The following TMEM51 variants were observed in gnomAD, a reference collection of about 807,000 sequenced individuals.
The protein encoded by TMEM51 is transmembrane protein 51, also known as chromosome 1 open reading frame 72.
In TMEM51, 8 loss-of-function variants were observed where a neutral mutation model predicts 13.6. The observed-to-expected ratio is 0.59, with a 90% confidence interval of 0.35 to 1.07. The LOEUF is 1.07. TMEM51 is among the 50% of genes least tolerant of loss of function. The probability of loss-of-function intolerance (pLI) is 0.02; values close to 1 mark genes in which losing one functional copy is unlikely to be tolerated. For synonymous variants in TMEM51, 147 were observed against 144.4 expected (o/e 1.02, Z -0.13); for missense variants, 279 against 330.7 (o/e 0.84, Z 1.21).
At chr1:15,193,236 G>T (rs1643970682) in intron 1 of TMEM51, among the ~76,000 whole-genome samples, 1 of 152,248 alleles carries the variant, frequency 6.6e-6, no homozygotes, top group Non-Finnish European at 1.5e-5. Context: ...CTAGTCCCCA[G>T]TTGCACCAGC....
chr1:15,154,841 A>G (rs1271972183), intron 1 of TMEM51, among the ~76,000 whole-genome samples: 1 of 146,758 alleles, frequency 6.8e-6, no homozygotes, highest in African/African-American at 2.5e-5. Flanking sequence ...GTCCTTCCCA[A>G]CAGCAGGGGA....
At chr1:15,183,961 A>T (rs1020770887) in intron 1 of TMEM51, among the ~76,000 whole-genome samples, 1 of 152,194 alleles carries the variant, frequency 6.6e-6, no homozygotes, top group Non-Finnish European at 1.5e-5. Flanking sequence ...TGCAAGATCC[A>T]ACTCAGCAGG....
At chr1:15,162,629 G>A (rs1642821849) in intron 1 of TMEM51, among the ~76,000 whole-genome samples, 1 of 152,050 alleles carries the variant, frequency 6.6e-6, no homozygotes, top group Non-Finnish European at 1.5e-5. Context: ...TCCATCAAAG[G>A]ATGAATGAAT....
chr1:15,164,105 C>T (rs1291575305), intron 1 of TMEM51, among the ~76,000 whole-genome samples: 4 of 152,082 alleles, frequency 2.6e-5, no homozygotes, highest in Non-Finnish European at 5.9e-5. Context: ...GCTGGGATTA[C>T]AGGCGTGAGC....
intron 1 of TMEM51, among the ~76,000 whole-genome samples, chr1:15,165,183 G>T (rs910093482): frequency 6.6e-6 from 1 of 152,134 alleles, no homozygotes; most frequent in East Asian, 1.9e-4. Context: ...AGGCACAGTG[G>T]CTGACACCTG....
chr1:15,188,573 G>A (rs868218944), intron 1 of TMEM51, among the ~76,000 whole-genome samples: 3 of 152,200 alleles, frequency 2.0e-5, no homozygotes, highest in East Asian at 1.9e-4. Context: ...CAACAGGCTT[G>A]GATAGCTTTA....
At position 15,178,048 on chromosome 1, in the gene TMEM51, G is replaced by T. The variant is rs12743208; in HGVS notation, c.-267+24094G>T. Among the ~76,000 whole-genome samples the T allele has an allele frequency of 2.0e-5, 3 of 152,322 alleles. No homozygotes were observed. The East Asian group carries it at 5.8e-4, about 29-fold the overall frequency. Reference sequence around the variant, plus strand: ...GTAACACAGCTGGGAGTCGAACCTAGAACCAGAACCTTTGACCCTGGCTCA... The same window carrying T: ...GTAACACAGCTGGGAGTCGAACCTATAACCAGAACCTTTGACCCTGGCTCA... On this transcript the variant is annotated intron_variant, in intron 1 of 3. Coordinates refer to ENST00000376008, the MANE Select transcript of TMEM51 (RefSeq NM_001136218.2).
intron 1 of TMEM51, among the ~76,000 whole-genome samples, chr1:15,198,627 A>G (rs978336820): frequency 6.6e-6 from 1 of 152,144 alleles, no homozygotes; most frequent in Non-Finnish European, 1.5e-5. Flanking sequence ...CATGTTGACC[A>G]GGCTGGTCTT....
intron 1 of TMEM51, chr1:15,171,127 C>G (rs1643256414): frequency 1.6e-6 from 2 of 1,288,086 alleles, no homozygotes; most frequent in Non-Finnish European, 2.0e-6. Flanking sequence ...ATCCCCCACC[C>G]CCAGTTGCTG....
chr1:15,157,699 T>C (rs1032624158), intron 1 of TMEM51, among the ~76,000 whole-genome samples: 2 of 152,262 alleles, frequency 1.3e-5, no homozygotes, highest in Admixed American at 1.3e-4. Flanking sequence ...CATTTCCAGG[T>C]CCTGTCTGTT....
At chr1:15,172,124 C>T (rs1643298266) in intron 1 of TMEM51, among the ~76,000 whole-genome samples, 1 of 152,162 alleles carries the variant, frequency 6.6e-6, no homozygotes, top group Non-Finnish European at 1.5e-5. Context: ...CACCTGTAAT[C>T]CCAGCACTTT....
Position 15,153,838 on chromosome 1 carries a change from C to G in TMEM51, c.-383C>G, listed in dbSNP as rs1308455613. ...TCCCTCGGCTAAGAATCCCCCGAAC[C>G]CCAGCCCCGCGATCGCGGCGCCCAC... On this transcript the variant is annotated 5_prime_UTR_variant, in exon 1 of 4. Transcript: ENST00000376008. 1 of 152,018 alleles carries G rather than the reference C, an allele frequency of 6.6e-6. No homozygotes were observed. The highest frequency in any genetic ancestry group is 1.5e-5 in the Non-Finnish European group (1 of 68,038). The allele number at this position is 152,018 out of a possible 1,614,324, so 9.4% of individuals were successfully genotyped here. A position where few individuals can be genotyped will look rare whatever the true frequency, so the allele number is the denominator to read the frequency against.
chr1:15,214,004 G>GA (rs1359297159), intron 2 of TMEM51, among the ~76,000 whole-genome samples: 1,668 of 129,414 alleles, frequency 0.013, 37 homozygotes, highest in African/African-American at 0.045. Context: ...ACAGCACCCA[G>GA]CCTTTTTTTT....
At chr1:15,171,118 T>TCCCCCCCCC in intron 1 of TMEM51, 3 of 547,038 alleles carry the variant, frequency 5.5e-6, no homozygotes, top group Non-Finnish European at 5.8e-6. Context: ...CCCCGCCACA[T>TCCCCCCCCC]CCCCCACCCC....
chr1:15,187,342 A>G (rs11586441), intron 1 of TMEM51, among the ~76,000 whole-genome samples: 10,150 of 151,970 alleles, frequency 0.067, 518 homozygotes, highest in East Asian at 0.29. Flanking sequence ...CTTTTCCCTC[A>G]TCTGTGCTGT....
chr1:15,171,135 C>T, intron 1 of TMEM51: 4 of 1,160,562 alleles, frequency 3.4e-6, no homozygotes, highest in Non-Finnish European at 4.6e-6. Flanking sequence ...CCCCCAGTTG[C>T]TGATTCAGTA....
At chr1:15,218,915 G>A (rs1198106053) in intron 3 of TMEM51, among the ~76,000 whole-genome samples, 1 of 152,146 alleles carries the variant, frequency 6.6e-6, no homozygotes, top group African/African-American at 2.4e-5. Context: ...CCCCTATGTG[G>A]CCAACTCAGG....
At chr1:15,215,986 A>C (rs1573454740) in intron 3 of TMEM51, among the ~76,000 whole-genome samples, 1 of 151,968 alleles carries the variant, frequency 6.6e-6, no homozygotes. Flanking sequence ...GAGCTGAGAT[A>C]CCGCCACTGC....
chr1:15,198,325 T>C (rs1644090656), intron 1 of TMEM51, among the ~76,000 whole-genome samples: 1 of 152,206 alleles, frequency 6.6e-6, no homozygotes, highest in Non-Finnish European at 1.5e-5. Context: ...GGTACTGCTA[T>C]CTTTATTCTA....
Sources: allele counts gnomAD v4.1 joint callset (sites outside exome capture counted in the v4.1 genomes callset), GRCh38; gene constraint gnomAD v4.1.1; transcripts MANE v1.5; gene names NCBI Gene and HGNC (gene_info 2026-07-23, HGNC 2026-07-21).